The following ATP2B3 variants were observed in gnomAD, a reference collection of about 807,000 sequenced individuals.
ATP2B3 encodes plasma membrane calcium-transporting ATPase 3.
A neutral mutation model predicts 70.8 loss-of-function variants in ATP2B3; 12 were observed. That is an observed-to-expected ratio of 0.17 (90% CI 0.11 to 0.27). The LOEUF is 0.27. Among genes scored for constraint, ATP2B3 ranks in the 10% least tolerant of loss-of-function variants. The pLI is 1.00. For synonymous variants in ATP2B3, 460 were observed against 497.8 expected, an observed-to-expected ratio of 0.92 and a Z score of 1.01; for missense variants, 858 against 1,118.5, an observed-to-expected ratio of 0.77 and a Z score of 3.32.
intron 15 of ATP2B3, 72 bp downstream of exon 15, chrX:153,556,490 A>C: frequency 9.3e-7 from 1 of 1,070,106 alleles, no homozygotes. Flanking sequence ...ACCAAAAGCC[A>C]GGTTCCCAAA....
chrX:153,582,910 G>T lies in ATP2B3; in HGVS notation c.*2612G>T, dbSNP rs898241103. On this transcript the variant is annotated 3_prime_UTR_variant, in exon 22 of 22. Coordinates refer to ENST00000263519, the MANE Select transcript of ATP2B3 (RefSeq NM_001001344.3). ...AAAATTTCTGTGTATAAAAAAAAAT[G>T]AAAGGCTCCTTACATCCTGGTCTGG... 2 of 112,393 alleles carry T rather than the reference G, an allele frequency of 1.8e-5. No homozygotes were observed. Among genetic ancestry groups the T allele is most frequent in the African/African-American group, 6.5e-5 (2 of 30,733 alleles). The allele number at this position is 112,393 out of a possible 1,213,427, so 9.3% of individuals were successfully genotyped here.
intron 2 of ATP2B3, among the ~76,000 whole-genome samples, chrX:153,535,116 A>G (rs2090171715): frequency 1.8e-5 from 2 of 112,811 alleles, no homozygotes; most frequent in South Asian, 7.2e-4. Flanking sequence ...GAGAGAGAGG[A>G]GCTGCAGTGG....
intron 6 of ATP2B3, 42 bp from the exon 7 acceptor site, chrX:153,543,001 G>T: frequency 8.3e-7 from 1 of 1,199,364 alleles, no homozygotes; most frequent in Non-Finnish European, 1.1e-6. Context: ...CTCCCACTGG[G>T]TGATACAAAT....
At chrX:153,542,212 G>A in intron 5 of ATP2B3, 111 bp from the exon 6 acceptor site, 3 of 1,085,571 alleles carry the variant, frequency 2.8e-6, no homozygotes, top group Non-Finnish European at 2.5e-6. Flanking sequence ...CCAGAAGGAG[G>A]AGGGCTCCTG....
At chrX:153,528,747 G>A (rs938796610) in intron 2 of ATP2B3, among the ~76,000 whole-genome samples, 1 of 112,398 alleles carries the variant, frequency 8.9e-6, no homozygotes, top group Admixed American at 9.3e-5. Flanking sequence ...TGTGCAAGAT[G>A]GCAACAGATA....
intron 2 of ATP2B3, among the ~76,000 whole-genome samples, chrX:153,530,326 A>G (rs1489311692): frequency 8.9e-6 from 1 of 112,079 alleles, no homozygotes; most frequent in Non-Finnish European, 1.9e-5. Context: ...TGTATTCGTG[A>G]AGTTCCCTGA....
At chrX:153,552,833 G>A (rs902785690) in intron 12 of ATP2B3, among the ~76,000 whole-genome samples, 5 of 112,339 alleles carry the variant, frequency 4.5e-5, no homozygotes, top group Middle Eastern at 4.6e-3. Flanking sequence ...CAGTCCTCGC[G>A]TTCCTCAGCT....
intron 2 of ATP2B3, among the ~76,000 whole-genome samples, chrX:153,519,651 T>C (rs1423060097): frequency 1.8e-4 from 20 of 112,596 alleles, no homozygotes; most frequent in African/African-American, 6.1e-4. Context: ...GGCTGGGAAC[T>C]TGTGGTCCCC....
In ATP2B3 at chrX:153,550,298, G is replaced by A; in HGVS notation, c.1823+12G>A. ...ATCCTCTTGAAAAAGTGAGTGAGCAGCAGGGAGGTGCCGGGGTACGCACGG... is the reference window on the plus strand; with the variant it reads ...ATCCTCTTGAAAAAGTGAGTGAGCAACAGGGAGGTGCCGGGGTACGCACGG... On this transcript the variant is annotated intron_variant, in intron 12 of 21. Coordinates refer to ENST00000263519, the MANE Select transcript of ATP2B3 (RefSeq NM_001001344.3). 3 of 1,209,297 alleles carry A rather than the reference G, an allele frequency of 2.5e-6. No individual in the cohort carries two copies. The highest frequency in any genetic ancestry group is 3.4e-6 in the Non-Finnish European group (3 of 893,117).
chrX:153,549,896 T>C, intron 11 of ATP2B3, 149 bp from the exon 12 acceptor site: 1 of 1,072,765 alleles, frequency 9.3e-7, no homozygotes, highest in South Asian at 2.3e-5. Flanking sequence ...GCTGGGAAAC[T>C]GCCTGTAGCT....
intron 2 of ATP2B3, among the ~76,000 whole-genome samples, chrX:153,527,741 C>T (rs1356352732): frequency 1.8e-5 from 2 of 112,481 alleles, no homozygotes; most frequent in Non-Finnish European, 1.9e-5. Context: ...AGCCCCCGGC[C>T]GAACGGAATG....
intron 2 of ATP2B3, among the ~76,000 whole-genome samples, chrX:153,528,693 C>T (rs1468564483): frequency 3.6e-5 from 4 of 112,167 alleles, no homozygotes; most frequent in Non-Finnish European, 7.5e-5. Context: ...CTACTTAGCC[C>T]TCAGGAATCT....
chrX:153,537,587 C>T (rs151068675), intron 3 of ATP2B3, among the ~76,000 whole-genome samples: 1,372 of 113,142 alleles, frequency 0.012, 25 homozygotes, highest in African/African-American at 0.043. Context: ...CTGCCTGGGT[C>T]TCCCTAGCTT....
intron 21 of ATP2B3, among the ~76,000 whole-genome samples, chrX:153,577,945 G>A (rs1388204967): frequency 9.0e-6 from 1 of 111,680 alleles, no homozygotes; most frequent in East Asian, 2.8e-4. Flanking sequence ...CACTGGAGAG[G>A]TGATGAGGTT....
At position 153,580,078 on chromosome X, in the gene ATP2B3, T is replaced by A. The variant is rs1557022345; in HGVS notation, c.3443T>A (p.Leu1148Gln). The change falls in exon 22 of 22, where the codon CTG becomes CAG. Residue 1148 changes from leucine to glutamine, a missense_variant. By Grantham distance (113) the Leu-to-Gln change is moderately radical. Around this residue, in one of 5 missense-constraint regions of ATP2B3, gnomAD observed 265 missense variants for 305.3 expected, o/e 0.87. Coordinates refer to ENST00000263519, the MANE Select transcript of ATP2B3 (RefSeq NM_001001344.3). ...AACTTCATGGCCACGCCCGAGTTTCTGATCAATGACTACACCCACAACATC... is the reference window on the plus strand; with the variant it reads ...AACTTCATGGCCACGCCCGAGTTTCAGATCAATGACTACACCCACAACATC... ...IHNFMATPEFLINDYTHNIPL... is the reference protein window; with the variant it reads ...IHNFMATPEFQINDYTHNIPL... 4.1e-6 allele frequency: 5 copies of A among 1,212,186 alleles called. No homozygotes were observed. The highest frequency in any genetic ancestry group is 5.6e-6 in the Non-Finnish European group (5 of 895,609).
In ATP2B3 at chrX:153,550,113, C is replaced by T. The variant is rs782594854; in HGVS notation, c.1650C>T (p.Phe550=). ...AGACGGAGTGCGCCCTGCTGGGCTTCGTCTTGGACCTGAAGCGGGACTTCC... is the reference window on the plus strand; with the variant it reads ...AGACGGAGTGCGCCCTGCTGGGCTTTGTCTTGGACCTGAAGCGGGACTTCC... ...GNKTECALLG[F]VLDLKRDFQP... The change falls in exon 12 of 22, where the codon TTC becomes TTT. Residue 550 remains phenylalanine (F), a synonymous_variant. Transcript: ENST00000263519. 7.4e-6 allele frequency: 9 copies of T among 1,211,564 alleles called. No homozygotes were observed. Among genetic ancestry groups the T allele is most frequent in the East Asian group, 3.0e-5 (1 of 33,801 alleles).
intron 20 of ATP2B3, among the ~76,000 whole-genome samples, chrX:153,563,423 G>C (rs1281318898): frequency 9.0e-6 from 1 of 111,610 alleles, no homozygotes; most frequent in Non-Finnish European, 1.9e-5. Context: ...TTACAGGCGG[G>C]AGCCACCATG....
chrX:153,544,127 C>A (rs2090329598), intron 7 of ATP2B3, among the ~76,000 whole-genome samples: 1 of 112,583 alleles, frequency 8.9e-6, no homozygotes, highest in African/African-American at 3.2e-5. Context: ...TTTGTGGCAC[C>A]AAGTCCTGTA....
chrX:153,578,302 AG>A (rs2124554041), intron 21 of ATP2B3, among the ~76,000 whole-genome samples: 1 of 112,813 alleles, frequency 8.9e-6, no homozygotes, highest in African/African-American at 3.2e-5. Context: ...TCACATAGGC[AG>A]GGGTGGACAG....
Sources: allele counts gnomAD v4.1 joint callset (sites outside exome capture counted in the v4.1 genomes callset), GRCh38; gene constraint gnomAD v4.1.1; regional missense constraint gnomAD v4.1.1; transcripts MANE v1.5; gene names NCBI Gene and HGNC (gene_info 2026-07-23, HGNC 2026-07-21).